POTEH: variants seen among roughly 807,000 people sequenced by gnomAD.
The protein encoded by POTEH is ANKRD26-like family C member 3.
POTEH carries 6 observed loss-of-function variants against 41.7 expected under a neutral mutation model. The observed-to-expected ratio is 0.14, with a 90% CI of 0.08 to 0.28. The LOEUF (loss-of-function observed/expected upper bound fraction) is 0.28, where lower values mean the gene tolerates loss of function less well. Among genes scored for constraint, POTEH ranks in the 10% least tolerant of loss-of-function variants. The pLI, the probability that POTEH is intolerant of heterozygous loss-of-function variation, is 1.00. For missense variants in POTEH, 115 were observed against 533.5 expected, an observed-to-expected ratio of 0.22 and a Z score of 7.73; for synonymous variants, 38 against 179.9, an observed-to-expected ratio of 0.21 and a Z score of 6.31.
intron 1 of POTEH, among the ~76,000 whole-genome samples, chr22:15,692,182 T>G (rs1324558469): frequency 7.5e-6 from 1 of 134,136 alleles, no homozygotes; most frequent in Non-Finnish European, 1.7e-5. Flanking sequence ...TTGTTTTGTA[T>G]TTTTAGTAGA....
At chr22:15,691,932 A>G (rs1211129379) in intron 1 of POTEH, among the ~76,000 whole-genome samples, 2 of 147,394 alleles carry the variant, frequency 1.4e-5, no homozygotes, top group Non-Finnish European at 3.0e-5. Flanking sequence ...TAAATATACA[A>G]AAAGAGAAAC....
intron 6 of POTEH, among the ~76,000 whole-genome samples, chr22:15,705,444 G>GTTT (rs376615417): frequency 2.4e-4 from 35 of 143,992 alleles, no homozygotes; most frequent in African/African-American, 8.2e-4. Flanking sequence ...ATTGTTGGCA[G>GTTT]TTTTTTTTTT....
chr22:15,703,720 A>G (rs1989609913), intron 6 of POTEH, among the ~76,000 whole-genome samples: 1 of 150,178 alleles, frequency 6.7e-6, no homozygotes. Flanking sequence ...GTATGAGGAC[A>G]CCTTTAATTT....
At chr22:15,693,013 C>G (rs1206938553) in intron 1 of POTEH, among the ~76,000 whole-genome samples, 1 of 125,642 alleles carries the variant, frequency 8.0e-6, no homozygotes, top group Non-Finnish European at 1.8e-5. Flanking sequence ...ATAAAGATTT[C>G]ATGAACAAAT....
At chr22:15,713,628 T>G (rs1391320540) in intron 9 of POTEH, among the ~76,000 whole-genome samples, 48 of 152,226 alleles carry the variant, frequency 3.2e-4, no homozygotes, top group Non-Finnish European at 5.9e-4. Context: ...GCCTCCTGAG[T>G]AGCTGGGATT....
chr22:15,692,821 T>C (rs772487936), intron 1 of POTEH, among the ~76,000 whole-genome samples: 6 of 129,644 alleles, frequency 4.6e-5, no homozygotes, highest in Non-Finnish European at 8.8e-5. Flanking sequence ...GTGGTACTTA[T>C]ATAGTTGTTT....
chr22:15,692,227 G>T (rs1398790702), intron 1 of POTEH, among the ~76,000 whole-genome samples: 2 of 140,234 alleles, frequency 1.4e-5, no homozygotes, highest in Non-Finnish European at 3.2e-5. Context: ...GGCTGGTCTT[G>T]AACTCCTGTC....
chr22:15,712,909 T>A (rs1989849611), intron 9 of POTEH, among the ~76,000 whole-genome samples: 1 of 148,204 alleles, frequency 6.7e-6, no homozygotes, highest in Admixed American at 6.7e-5. Context: ...TCAGCTTATG[T>A]GATCTAGAAA....
intron 6 of POTEH, among the ~76,000 whole-genome samples, chr22:15,703,724 T>G (rs1300644698): frequency 6.7e-6 from 1 of 150,356 alleles, no homozygotes; most frequent in Non-Finnish European, 1.5e-5. Flanking sequence ...GAGGACACCT[T>G]TAATTTAGCC....
chr22:15,716,477 T>A lies in POTEH; in HGVS notation c.1521-3183T>A, dbSNP rs546002977. 2.3e-3 allele frequency among the ~76,000 whole-genome samples: 125 copies of A among 54,744 alleles called. 46 individuals are homozygous for A. The highest frequency in any genetic ancestry group is 7.0e-3 in the African/African-American group (118 of 16,752). 35.9% of individuals were successfully genotyped at this position (54,744 alleles called of 152,430 possible). A position where few individuals can be genotyped will look rare whatever the true frequency, so the allele number is the denominator to read the frequency against. On this transcript the variant is annotated intron_variant, in intron 9 of 10. Coordinates refer to ENST00000343518, the MANE Select transcript of POTEH (RefSeq NM_001136213.1). The stretch of plus-strand genomic sequence containing the variant: ...TCATATTGTCTTTTTAAATTCCTTT[T>A]TATGTTCACTTTTTTCTCTGTACAA...
rs1247082151 is a variant in POTEH, at chr22:15,717,278, G to T, written c.1521-2382G>T. Among the ~76,000 whole-genome samples the T allele has an allele frequency of 6.5e-5, 6 of 91,792 alleles. 2 individuals are homozygous for T. The highest frequency in any genetic ancestry group is 2.0e-4 in the African/African-American group (6 of 29,596). The allele number at this position is 91,792 out of a possible 152,430, so 60.2% of individuals were successfully genotyped here. A position where few individuals can be genotyped will look rare whatever the true frequency, so the allele number is the denominator to read the frequency against. ...AACATATGTGTGCGGGTGTCTTTGT[G>T]AGAGTACGATTTCTTTTGTTTTGTG... On this transcript the variant is annotated intron_variant, in intron 9 of 10. Transcript: ENST00000343518.
chr22:15,713,690 G>C (rs1461498323), intron 9 of POTEH, among the ~76,000 whole-genome samples: 1 of 152,130 alleles, frequency 6.6e-6, no homozygotes, highest in Non-Finnish European at 1.5e-5. Context: ...AGTAGTGACA[G>C]GGTTTCCCCA....
chr22:15,711,740 ATTT>A (rs1989831629), intron 9 of POTEH, among the ~76,000 whole-genome samples: 1 of 149,634 alleles, frequency 6.7e-6, no homozygotes, highest in Non-Finnish European at 1.5e-5. Flanking sequence ...ATATAAGGAC[ATTT>A]ATTATAGCAT....
chr22:15,712,810 G>T (rs1300946353), intron 9 of POTEH, among the ~76,000 whole-genome samples: 1 of 140,198 alleles, frequency 7.1e-6, no homozygotes, highest in Non-Finnish European at 1.5e-5. Flanking sequence ...CCTAGAATTG[G>T]CTGATTTTTA....
chr22:15,703,945 A>AT (rs1363116228), intron 6 of POTEH, among the ~76,000 whole-genome samples: 4 of 148,866 alleles, frequency 2.7e-5, no homozygotes, highest in East Asian at 2.0e-4. Flanking sequence ...GATACTAGCC[A>AT]TTTTTTCTAA....
chr22:15,720,265 T>TCA (rs1175207510), intron 10 of POTEH, among the ~76,000 whole-genome samples: 2 of 144,160 alleles, frequency 1.4e-5, no homozygotes, highest in Non-Finnish European at 3.0e-5. Flanking sequence ...TGTAAAGAGG[T>TCA]TTGAAAACAA....
chr22:15,703,567 CA>C (rs1268179480), intron 6 of POTEH, among the ~76,000 whole-genome samples: 1 of 136,354 alleles, frequency 7.3e-6, no homozygotes, highest in African/African-American at 2.8e-5. Flanking sequence ...TACCATTTGC[CA>C]AAAGAGTGTC....
intron 5 of POTEH, 122 bp from the exon 6 acceptor site, chr22:15,702,564 A>G: frequency 1.1e-6 from 1 of 943,410 alleles, no homozygotes; most frequent in Non-Finnish European, 1.6e-6. Flanking sequence ...TGGATGGGAT[A>G]ATACTGTTAA....
intron 6 of POTEH, among the ~76,000 whole-genome samples, chr22:15,706,776 GC>G (rs1255576392): frequency 1.3e-5 from 2 of 152,300 alleles, no homozygotes; most frequent in Admixed American, 1.3e-4. Context: ...CCTTTCTCTG[GC>G]ATTACTGAGC....
Sources: gnomAD v4.1 joint callset for allele counts (sites outside exome capture counted in the v4.1 genomes callset) on GRCh38, gnomAD v4.1.1 for gene constraint, MANE v1.5 for transcripts, NCBI Gene and HGNC (gene_info 2026-07-23, HGNC 2026-07-21) for gene names.